PRSS36: variants seen among roughly 807,000 people sequenced by gnomAD.
The protein encoded by PRSS36 is polyserase-2.
Under a neutral mutation model 94.3 loss-of-function variants are expected in PRSS36, and 90 were observed. The ratio of observed to expected loss-of-function variants is 0.95; its 90% confidence interval spans 0.80 to 1.14. PRSS36 has a LOEUF of 1.14. PRSS36 is among the 50% of genes most tolerant of loss of function. The pLI is 0.00. For synonymous variants in PRSS36, 500 were observed against 489.6 expected (o/e 1.02, Z -0.28); for missense variants, 1,158 against 1,135.0 (o/e 1.02, Z -0.29).
rs1433648886 is a variant in PRSS36 at position 31,148,482 on chromosome 16, ACACGGCGGGG to A, written c.456_465del (p.Pro153GlyfsTer43). 1.3e-6 allele frequency: 2 copies of A among 1,577,126 alleles called. No individual in the cohort carries two copies. ...GAGGCGCGGGGCAGGCAGACAGGCC[ACACGGCGGGG>A]CCCAGGCTGGCGGGTGAGGCCAGGC... On this transcript the variant is annotated frameshift_variant, in exon 5 of 15. Coordinates refer to ENST00000268281, the MANE Select transcript of PRSS36 (RefSeq NM_173502.5). LOFTEE classifies it high-confidence loss of function.
chr16:31,145,241 C>T (rs553639627), intron 6 of PRSS36, among the ~76,000 whole-genome samples: 24 of 150,814 alleles, frequency 1.6e-4, no homozygotes, highest in African/African-American at 4.1e-4. Flanking sequence ...GGCGTCGTGG[C>T]GGGCATCTGT....
At chr16:31,148,258 A>G in intron 5 of PRSS36, 137 bp downstream of exon 5, 2 of 925,706 alleles carry the variant, frequency 2.2e-6, no homozygotes, top group Non-Finnish European at 3.1e-6. Flanking sequence ...TCATCCACCG[A>G]CCCGCAGAAA....
chr16:31,141,905 C>A lies in PRSS36; in HGVS notation c.1577G>T (p.Gly526Val). 1 of 1,614,174 alleles carries A rather than the reference C, an allele frequency of 6.2e-7. No homozygotes were observed. Among genetic ancestry groups the A allele is most frequent in the Non-Finnish European group, 8.5e-7 (1 of 1,180,026 alleles). Residue 526 changes from glycine to valine, a missense_variant, in exon 11 of 15, where the codon GGA becomes GTA. Physicochemically the swap from Gly to Val is moderately radical, Grantham distance 109 (BLOSUM62 -3). Transcript: ENST00000268281. ...ACAGCCACTGGGAAAGTCTCTGATT[C>A]CAGCCAGAAACCAGGTCCCCTCCTC... ...CQEEGTWFLA[G>V]IRDFPSGCLR...
At chr16:31,148,089 A>G (rs1368194353) in intron 5 of PRSS36, among the ~76,000 whole-genome samples, 1 of 152,096 alleles carries the variant, frequency 6.6e-6, no homozygotes, top group Non-Finnish European at 1.5e-5. Flanking sequence ...TTTGTCTGAC[A>G]TGTTAGAGCT....
rs1337483743 is a variant in PRSS36 at position 31,142,574 on chromosome 16, G to A, written c.1428C>T (p.Tyr476=). ...LLGGWWCHCL[Y]GRQGAAVPLP... ...GCGGTACTGCCGCCCCCTGGCGGCC[G>A]TACAGGCAGTGGCACCACCAGCCGC... Residue 476 remains tyrosine, a synonymous_variant, in exon 10 of 15, where the codon TAC becomes TAT. Coordinates refer to ENST00000268281, the MANE Select transcript of PRSS36 (RefSeq NM_173502.5). 24 of 1,524,990 alleles carry A rather than the reference G, an allele frequency of 1.6e-5. No homozygotes were observed. The highest frequency in any genetic ancestry group is 5.6e-5 in the African/African-American group (4 of 71,738). 94.5% of individuals were successfully genotyped at this position (1,524,990 alleles called of 1,614,324 possible). A position where few individuals can be genotyped will look rare whatever the true frequency, so the allele number is the denominator to read the frequency against.
At chr16:31,144,484 C>G (rs1181870948) in intron 6 of PRSS36, among the ~76,000 whole-genome samples, 1 of 152,104 alleles carries the variant, frequency 6.6e-6, no homozygotes, top group Non-Finnish European at 1.5e-5. Context: ...CAGTTTGTCT[C>G]TTTTTTTGGG....
At position 31,148,521 on chromosome 16, in the gene PRSS36, G is replaced by A. The variant is rs1187727209; in HGVS notation, c.427C>T (p.Leu143=). The A allele has an allele frequency of 6.3e-7, 1 of 1,590,074 alleles. No individual in the cohort carries two copies. Among genetic ancestry groups the A allele is most frequent in the East Asian group, 2.3e-5 (1 of 44,102 alleles). Residue 143 remains leucine, a synonymous_variant, in exon 5 of 15, where the codon CTG becomes TTG. Coordinates refer to ENST00000268281, the MANE Select transcript of PRSS36 (RefSeq NM_173502.5). ...AGGCTGGCGGGTGAGGCCAGGCGCA[G>A]CAGGGCCAGGTCGGCGCCCAGCTCC... The part of the protein sequence containing the change: ...QVELGADLAL[L]RLASPASLGP...
chr16:31,149,166 C>T lies in PRSS36; in HGVS notation c.179G>A (p.Trp60Ter). The T allele has an allele frequency of 6.3e-7, 1 of 1,575,476 alleles. No individual in the cohort carries two copies. The highest frequency in any genetic ancestry group is 8.6e-7 in the Non-Finnish European group (1 of 1,161,504). The change falls in exon 4 of 15, where the codon TGG (tryptophan) becomes TAG (stop). Residue 60 changes from tryptophan (W) to a stop codon, truncating the protein, a stop_gained. Coordinates refer to ENST00000268281, the MANE Select transcript of PRSS36 (RefSeq NM_173502.5). LOFTEE classifies it high-confidence loss of function. ...GSNAQPGTWP[W>*]QVSLHHGGGH... is the part of the protein sequence containing the mutation. ...ACCTCCATGGTGCAGGCTCACTTGC[C>T]AAGGCCAGGTGCCCGGCTGCGCGTT...
At position 31,150,009 on chromosome 16, in the gene PRSS36, A is replaced by G. The variant is rs1393833921; in HGVS notation, c.27T>C (p.Leu9=). The change falls in exon 1 of 15, where the codon CTT becomes CTC. Residue 9 remains leucine, a synonymous_variant. Coordinates refer to ENST00000268281, the MANE Select transcript of PRSS36 (RefSeq NM_173502.5). Reference sequence around the variant, plus strand: ...GTCCCCTGAGGTTACCAAGCATCACAAGGGGGAGGAGCAGGTGCCGGGCCA... The same window carrying G: ...GTCCCCTGAGGTTACCAAGCATCACGAGGGGGAGGAGCAGGTGCCGGGCCA... The part of the protein sequence containing the change: MARHLLLP[L]VMLVISPIPG... The G allele has an allele frequency of 6.2e-7, 1 of 1,613,978 alleles. No homozygotes were observed. The highest frequency in any genetic ancestry group is 1.1e-5 in the South Asian group (1 of 91,074).
Position 31,140,312 on chromosome 16 carries a change from C to T in PRSS36, c.2271G>A (p.Gly757=), listed in dbSNP as rs754398594. The T allele has an allele frequency of 8.7e-6, 14 of 1,612,422 alleles. No homozygotes were observed. Among genetic ancestry groups the T allele is most frequent in the Admixed American group, 3.3e-5 (2 of 59,758 alleles). ...CCTGTACCTCACACCTGTTCTCCTG[C>T]CCCTCTGCATACAGGACACAGAGGG... is the stretch of plus-strand genomic sequence containing the variant. ...PGTLCVLYAE[G]QENRCEMTSA... is the part of the protein sequence containing the mutation. The change falls in exon 14 of 15, where the codon GGG becomes GGA. Residue 757 remains glycine, a synonymous_variant. Coordinates refer to ENST00000268281, the MANE Select transcript of PRSS36 (RefSeq NM_173502.5).
intron 5 of PRSS36, among the ~76,000 whole-genome samples, chr16:31,147,533 TG>T (rs2057816049): frequency 2.0e-5 from 3 of 152,070 alleles, no homozygotes; most frequent in Non-Finnish European, 4.4e-5. Context: ...ATGGAAAGCT[TG>T]GGTGATGGGG....
chr16:31,143,643 C>T lies in PRSS36; in HGVS notation c.915G>A (p.Lys305=). Residue 305 remains lysine (K), a synonymous_variant, in exon 7 of 15, where the codon AAG becomes AAA. Coordinates refer to ENST00000268281, the MANE Select transcript of PRSS36 (RefSeq NM_173502.5). ...TGGGCTCCTGGGGATCTGACTGGGT[C>T]TTCTGGGGCTGGGTGGGAAAGGCAG... ...PGPAFPTQPQ[K]TQSDPQEPRE... 6.2e-7 allele frequency: 1 copy of T among 1,614,218 alleles called. No homozygotes were observed. The highest frequency in any genetic ancestry group is 8.5e-7 in the Non-Finnish European group (1 of 1,180,034).
Position 31,141,466 on chromosome 16 carries a change from C to T in PRSS36, c.1901+3G>A, listed in dbSNP as rs369104884. The T allele has an allele frequency of 3.0e-4, 476 of 1,607,650 alleles. 2 individuals carry two copies. The African/African-American group carries it at 3.6e-3, about 12-fold the overall frequency. On this transcript the variant is annotated splice_donor_region_variant and intron_variant, in intron 12 of 14. Transcript: ENST00000268281. ...TCTCGCCTAGGAGACGAGTGAGACC[C>T]ACCTGAGGACACAGTGAGTGGCTGC...
intron 12 of PRSS36, among the ~76,000 whole-genome samples, chr16:31,141,188 C>T (rs2057681710): frequency 6.6e-6 from 1 of 152,090 alleles, no homozygotes; most frequent in Non-Finnish European, 1.5e-5. Context: ...TCCCAAAGTG[C>T]TAGGATTACA....
chr16:31,148,998 G>T, intron 4 of PRSS36, 75 bp downstream of exon 4: 1 of 1,405,696 alleles, frequency 7.1e-7, no homozygotes, highest in South Asian at 1.4e-5. Context: ...GAAGTGGGGC[G>T]GGAGGAGGGG....
chr16:31,149,959 A>AC, intron 1 of PRSS36, 40 bp downstream of exon 1: 1 of 1,609,980 alleles, frequency 6.2e-7, no homozygotes, highest in Non-Finnish European at 8.5e-7. Flanking sequence ...AGATGCCAGG[A>AC]CCCAGGCCCT....
intron 10 of PRSS36, among the ~76,000 whole-genome samples, chr16:31,142,183 C>G (rs1249111754): frequency 1.3e-5 from 2 of 152,230 alleles, no homozygotes; most frequent in African/African-American, 4.8e-5. Context: ...CAGCTCAGAG[C>G]CCGCCTCAGC....
Position 31,149,151 on chromosome 16 carries a change from T to C in PRSS36, c.194A>G (p.His65Arg), listed in dbSNP as rs1291336187. The C allele has an allele frequency of 2.5e-6, 4 of 1,578,654 alleles. No individual in the cohort carries two copies. The highest frequency in any genetic ancestry group is 3.4e-6 in the Non-Finnish European group (4 of 1,163,388). The stretch of plus-strand genomic sequence containing the variant: ...CCCGCAGATGTGGCCACCTCCATGG[T>C]GCAGGCTCACTTGCCAAGGCCAGGT... ...PGTWPWQVSL[H>R]HGGGHICGGS... Residue 65 changes from histidine (H) to arginine (R), a missense_variant, in exon 4 of 15, where the codon CAC becomes CGC. Coordinates refer to ENST00000268281, the MANE Select transcript of PRSS36 (RefSeq NM_173502.5).
chr16:31,149,068 C>T lies in PRSS36; in HGVS notation c.272+5G>A. 1.3e-6 allele frequency: 2 copies of T among 1,589,580 alleles called. No individual in the cohort carries two copies. Among genetic ancestry groups the T allele is most frequent in the Non-Finnish European group, 1.7e-6 (2 of 1,169,874 alleles). ...AGAGGGGCCAGGACCAGGGCGAATA[C>T]TCACGTCATGAAACAGTGAGCAGCG... On this transcript the variant is annotated splice_donor_5th_base_variant and intron_variant, in intron 4 of 14. Coordinates refer to ENST00000268281, the MANE Select transcript of PRSS36 (RefSeq NM_173502.5).
Sources: gnomAD v4.1 joint callset for allele counts (sites outside exome capture counted in the v4.1 genomes callset) on GRCh38, gnomAD v4.1.1 for gene constraint, MANE v1.5 for transcripts, NCBI Gene and HGNC (gene_info 2026-07-23, HGNC 2026-07-21) for gene names.